The following ACSBG2 variants were observed in gnomAD, a reference collection of about 807,000 sequenced individuals.
The protein encoded by ACSBG2 is long-chain-fatty-acid--CoA ligase ACSBG2.
A neutral mutation model predicts 74.7 loss-of-function variants in ACSBG2; 62 were observed. The ratio of observed to expected loss-of-function variants is 0.83; its 90% confidence interval spans 0.68 to 1.03. ACSBG2 has a LOEUF of 1.03. ACSBG2 is among the 50% of genes least tolerant of loss of function. The probability of loss-of-function intolerance (pLI) is 0.00; values close to 1 mark genes in which losing one functional copy is unlikely to be tolerated. For missense variants in ACSBG2, 730 were observed against 817.6 expected, an observed-to-expected ratio of 0.89 and a Z score of 1.31; for synonymous variants, 309 against 294.1, an observed-to-expected ratio of 1.05 and a Z score of -0.52.
At chr19:6,144,081 T>G (rs181904936) in intron 2 of ACSBG2, among the ~76,000 whole-genome samples, 11 of 152,310 alleles carry the variant, frequency 7.2e-5, no homozygotes, top group Non-Finnish European at 1.2e-4. Flanking sequence ...CACTGCAATC[T>G]CCACCTCCCG....
intron 2 of ACSBG2, among the ~76,000 whole-genome samples, chr19:6,143,572 T>C (rs1359282952): frequency 6.6e-6 from 1 of 151,636 alleles, no homozygotes; most frequent in Non-Finnish European, 1.5e-5. Flanking sequence ...AGGTTCACCA[T>C]GTAACCCACT....
chr19:6,179,188 G>T (rs1478336175), intron 8 of ACSBG2, among the ~76,000 whole-genome samples: 1 of 151,968 alleles, frequency 6.6e-6, no homozygotes, highest in Non-Finnish European at 1.5e-5. Context: ...ATTTTCTGGG[G>T]TCTTTGCCTT....
Position 6,145,282 on chromosome 19 carries a change from G to A in ACSBG2, c.68-2164G>A, listed in dbSNP as rs182386430. Among the ~76,000 whole-genome samples, 410 of 152,098 alleles carry A rather than the reference G, an allele frequency of 2.7e-3. 2 individuals carry two copies. The highest frequency in any genetic ancestry group is 4.3e-3 in the Non-Finnish European group (290 of 67,988). ...GTGGTGGTGCCCACCTGTAATCCCC[G>A]CTACTTGAGAGGCTGAGGCAGGGGA... On this transcript the variant is annotated intron_variant, in intron 2 of 14. Coordinates refer to ENST00000588485, the MANE Select transcript of ACSBG2 (RefSeq NM_030924.5).
intron 6 of ACSBG2, among the ~76,000 whole-genome samples, chr19:6,164,969 C>T (rs531741374): frequency 2.0e-5 from 3 of 152,310 alleles, no homozygotes; most frequent in East Asian, 3.9e-4. Flanking sequence ...AATCTACCAC[C>T]CCTGAGCCTC....
At position 6,183,259 on chromosome 19, in the gene ACSBG2, T is replaced by C. The variant is rs752019571; in HGVS notation, c.1309T>C (p.Tyr437His). 11 of 1,613,916 alleles carry C rather than the reference T, an allele frequency of 6.8e-6. No individual in the cohort carries two copies. The South Asian group carries it at 1.2e-4, about 18-fold the overall frequency. ...CCACACGATATCCAACCAGAATAAC[T>C]ACAGGCTTCTAAGGTACCAGCCCCC... ...GPHTISNQNN[Y>H]RLLSCGKILT... Residue 437 changes from tyrosine to histidine, a missense_variant, in exon 10 of 15, where the codon TAC becomes CAC. Physicochemically the swap from Tyr to His is moderately conservative, Grantham distance 83. Transcript: ENST00000588485.
intron 1 of ACSBG2, among the ~76,000 whole-genome samples, chr19:6,136,431 C>A (rs541407767): frequency 1.5e-3 from 234 of 151,806 alleles, no homozygotes; most frequent in African/African-American, 5.6e-3. Flanking sequence ...TTTCGCCATA[C>A]CAGCCAGGCT....
rs972840521 is a variant in ACSBG2, at chr19:6,147,693, A to T, written c.297+18A>T. 1 of 1,602,264 alleles carries T rather than the reference A, an allele frequency of 6.2e-7. No homozygotes were observed. Among genetic ancestry groups the T allele is most frequent in the African/African-American group, 1.3e-5 (1 of 74,648 alleles). On this transcript the variant is annotated intron_variant, in intron 3 of 14. Transcript: ENST00000588485. ...TGATCAAGGTAAGATTCATTCATTCATTCTCCTTTGTTCAACCATTCATTC... is the reference window on the plus strand; with the variant it reads ...TGATCAAGGTAAGATTCATTCATTCTTTCTCCTTTGTTCAACCATTCATTC...
intron 2 of ACSBG2, 127 bp from the exon 3 acceptor site, chr19:6,147,319 C>G: frequency 1.4e-6 from 1 of 701,672 alleles, no homozygotes; most frequent in East Asian, 2.7e-5. Flanking sequence ...GACCACATAA[C>G]TTCACCCTAG....
chr19:6,141,406 T>A (rs1568214702), intron 1 of ACSBG2, 107 bp from the exon 2 acceptor site: 1 of 652,168 alleles, frequency 1.5e-6, no homozygotes. Flanking sequence ...GCATGACCAA[T>A]GGATCCTAGG....
intron 13 of ACSBG2, among the ~76,000 whole-genome samples, chr19:6,188,902 C>T (rs2090478416): frequency 6.6e-6 from 1 of 152,154 alleles, no homozygotes; most frequent in Non-Finnish European, 1.5e-5. Flanking sequence ...CACTGGTATG[C>T]AGGACTTGAA....
At chr19:6,161,512 A>T (rs2089615699) in intron 6 of ACSBG2, 1 of 480,600 alleles carries the variant, frequency 2.1e-6, no homozygotes, top group Non-Finnish European at 3.8e-6. Context: ...CTTTCAAAGG[A>T]CGTGAAATGT....
At position 6,174,563 on chromosome 19, in the gene ACSBG2, C is replaced by A. The variant is rs1374604078; in HGVS notation, c.739-2666C>A. ...GTGGCTTATGTATGTAATCCCAGCACTTTGGGAGGCCGAGACAGGAGGATT... is the reference window on the plus strand; with the variant it reads ...GTGGCTTATGTATGTAATCCCAGCAATTTGGGAGGCCGAGACAGGAGGATT... On this transcript the variant is annotated intron_variant, in intron 7 of 14. Transcript: ENST00000588485. This position sits in a 1 kb window ranked among gnomAD's most constrained non-coding sequence, Gnocchi z 4.2. 6.6e-6 allele frequency among the ~76,000 whole-genome samples: 1 copy of A among 152,162 alleles called. No homozygotes were observed. Among genetic ancestry groups the A allele is most frequent in the Non-Finnish European group, 1.5e-5 (1 of 68,030 alleles).
In ACSBG2 at chr19:6,192,885, T is replaced by G. The variant is rs568497853; in HGVS notation, c.*253T>G. 2 of 152,190 alleles carry G rather than the reference T, an allele frequency of 1.3e-5. No homozygotes were observed. The highest frequency in any genetic ancestry group is 1.3e-4 in the Admixed American group (2 of 15,280). 9.4% of individuals were successfully genotyped at this position (152,190 alleles called of 1,614,324 possible). On this transcript the variant is annotated 3_prime_UTR_variant, in exon 15 of 15. Transcript: ENST00000588485. ...CAAGTCATGACTCCAGGGAAGCCTATTGGGAAGTCTACTAAAAACTGCCTG... is the reference window on the plus strand; with the variant it reads ...CAAGTCATGACTCCAGGGAAGCCTAGTGGGAAGTCTACTAAAAACTGCCTG...
chr19:6,166,280 T>TTGTGTGTGTGTGTGTG lies in ACSBG2; in HGVS notation c.738+301_738+316dup, dbSNP rs35422900. Reference sequence around the variant, plus strand: ...GATTCCTCTGTGTGAGTCAGGAAGGTTGTGTGTGTGTGTGTGTGTGTGTGT... The same window carrying TTGTGTGTGTGTGTGTG: ...GATTCCTCTGTGTGAGTCAGGAAGGTTGTGTGTGTGTGTGTGTGTGTGTGTGTGTGTGTGTGTGTGT... On this transcript the variant is annotated intron_variant, in intron 7 of 14. Transcript: ENST00000588485. Among the ~76,000 whole-genome samples the TTGTGTGTGTGTGTGTG allele has an allele frequency of 7.9e-3, 942 of 119,100 alleles. 54 individuals carry two copies. The highest frequency in any genetic ancestry group is 0.029 in the African/African-American group (778 of 26,542). 78.1% of individuals were successfully genotyped at this position (119,100 alleles called of 152,430 possible).
intron 3 of ACSBG2, 52 bp from the exon 4 acceptor site, chr19:6,151,655 A>C: frequency 6.6e-7 from 1 of 1,510,520 alleles, no homozygotes; most frequent in South Asian, 1.2e-5. Context: ...TCCTAATGAT[A>C]TAACATCTCT....
At position 6,165,887 on chromosome 19, in the gene ACSBG2, G is replaced by A. The variant is rs1415161848; in HGVS notation, c.610G>A (p.Gly204Ser). Reference sequence around the variant, plus strand: ...ACAGTGGGATGATTTCATGGAACTTGGCAGAAGTATCCCTGACACCCAACT... The same window carrying A: ...ACAGTGGGATGATTTCATGGAACTTAGCAGAAGTATCCCTGACACCCAACT... ...LYSWDDFMEL[G>S]RSIPDTQLEQ... Residue 204 changes from glycine to serine, a missense_variant, in exon 7 of 15, where the codon GGC (glycine) becomes AGC (serine). Gly to Ser is a moderately conservative substitution (Grantham distance 56). Coordinates refer to ENST00000588485, the MANE Select transcript of ACSBG2 (RefSeq NM_030924.5). The A allele has an allele frequency of 1.9e-6, 3 of 1,613,976 alleles. No homozygotes were observed. The highest frequency in any genetic ancestry group is 4.5e-5 in the East Asian group (2 of 44,896).
At chr19:6,166,168 C>A in intron 7 of ACSBG2, 153 bp downstream of exon 7, 1 of 921,000 alleles carries the variant, frequency 1.1e-6, no homozygotes, top group Non-Finnish European at 1.6e-6. Context: ...CACTAGGGGG[C>A]AGCAGAGTGC....
intron 5 of ACSBG2, among the ~76,000 whole-genome samples, chr19:6,158,240 G>T (rs1264371099): frequency 6.6e-6 from 1 of 151,498 alleles, no homozygotes; most frequent in Non-Finnish European, 1.5e-5. Flanking sequence ...TATTTTTTTA[G>T]TAGAGACAGG....
rs2145190052 is a variant in ACSBG2, at chr19:6,174,024, C to T, written c.739-3205C>T. On this transcript the variant is annotated intron_variant, in intron 7 of 14. Coordinates refer to ENST00000588485, the MANE Select transcript of ACSBG2 (RefSeq NM_030924.5). This position sits in a 1 kb window ranked among gnomAD's most constrained non-coding sequence, Gnocchi z 4.2. The stretch of plus-strand genomic sequence containing the variant: ...CAATCTCGACTCACTGCAACCTCTG[C>T]CTCCCAATTTCAAGCGATTCCCCCA... 6.6e-6 allele frequency among the ~76,000 whole-genome samples: 1 copy of T among 151,566 alleles called. No homozygotes were observed. Among genetic ancestry groups the T allele is most frequent in the East Asian group, 1.9e-4 (1 of 5,142 alleles).
Sources: allele counts gnomAD v4.1 joint callset (sites outside exome capture counted in the v4.1 genomes callset), GRCh38; gene constraint gnomAD v4.1.1; non-coding constraint Gnocchi (gnomAD v3.1); transcripts MANE v1.5; gene names NCBI Gene and HGNC (gene_info 2026-07-23, HGNC 2026-07-21).